CCSER2: variants seen among roughly 807,000 people sequenced by gnomAD.
CCSER2 encodes the protein coiled-coil serine rich protein 2, also known as serine-rich coiled-coil domain-containing protein 2.
Under a neutral mutation model 92.3 loss-of-function variants are expected in CCSER2, and 46 were observed. That is an observed-to-expected ratio of 0.50 (90% confidence interval 0.39 to 0.64). The LOEUF is 0.64. Ranked by LOEUF, CCSER2 falls within the 30% of genes least tolerant of loss-of-function variation. CCSER2 has a pLI of 0.00. For missense variants in CCSER2, 1,244 were observed against 1,238.9 expected (o/e 1.00, Z -0.06); for synonymous variants, 433 against 431.4 (o/e 1.00, Z -0.04).
intron 9 of CCSER2, among the ~76,000 whole-genome samples, chr10:84,489,504 G>A (rs1848018336): frequency 6.6e-6 from 1 of 152,062 alleles, no homozygotes; most frequent in Non-Finnish European, 1.5e-5. Context: ...GGCCTCCTTT[G>A]TCTCTTTTGA....
chr10:84,457,591 TTATATATTTATATATTATATATAATTATA>T (rs1335212626), intron 6 of CCSER2, among the ~76,000 whole-genome samples: 1 of 6,038 alleles, frequency 1.7e-4, no homozygotes, highest in Non-Finnish European at 3.3e-4. Flanking sequence ...TTATATATAA[TTATATATTTATATATTATATATAATTATA>T]TATTTATATA....
chr10:84,514,287 CAA>C lies in CCSER2; in HGVS notation c.*21_*22del. 6.8e-7 allele frequency: 1 copy of C among 1,478,116 alleles called. No individual in the cohort carries two copies. Among genetic ancestry groups the C allele is most frequent in the Non-Finnish European group, 9.1e-7 (1 of 1,100,988 alleles). The allele number at this position is 1,478,116 out of a possible 1,614,324, so 91.6% of individuals were successfully genotyped here. ...CATTAAGTACATAGCCATCACCTGCCAATTTGTTTCTTAAAAACAATCTCTTC... is the reference window on the plus strand; with the variant it reads ...CATTAAGTACATAGCCATCACCTGCCTTTGTTTCTTAAAAACAATCTCTTC... On this transcript the variant is annotated 3_prime_UTR_variant, in exon 10 of 10. Transcript: ENST00000372088.
At chr10:84,391,078 A>T (rs1841491857) in intron 3 of CCSER2, 2 of 779,834 alleles carry the variant, frequency 2.6e-6, no homozygotes, top group Admixed American at 1.7e-5. Context: ...ATATATTCAG[A>T]TGCTAATGCC....
At chr10:84,507,083 T>G (rs1849096748) in intron 9 of CCSER2, among the ~76,000 whole-genome samples, 1 of 152,172 alleles carries the variant, frequency 6.6e-6, no homozygotes, top group South Asian at 2.1e-4. Context: ...GCAAATTACT[T>G]TAGTAAGAAA....
chr10:84,444,769 T>C (rs1333436729), intron 6 of CCSER2, among the ~76,000 whole-genome samples: 1 of 152,216 alleles, frequency 6.6e-6, no homozygotes, highest in Non-Finnish European at 1.5e-5. Context: ...GCACACAAAA[T>C]TTTAAAAAAT....
chr10:84,501,876 T>TACTCATATATATATATATATATA (rs1848774490), intron 9 of CCSER2, among the ~76,000 whole-genome samples: 1 of 115,852 alleles, frequency 8.6e-6, no homozygotes, highest in African/African-American at 2.8e-5. Flanking sequence ...TATATATATA[T>TACTCATATATATATATATATATA]GAGTCTTTTC....
chr10:84,470,135 G>A (rs1302867915), intron 7 of CCSER2, among the ~76,000 whole-genome samples: 2 of 150,788 alleles, frequency 1.3e-5, no homozygotes, highest in African/African-American at 4.9e-5. Context: ...ATAAGTGCAA[G>A]TGCTTAGTTT....
chr10:84,335,970 C>T (rs746624483), intron 1 of CCSER2, among the ~76,000 whole-genome samples: 2 of 152,028 alleles, frequency 1.3e-5, no homozygotes, highest in Non-Finnish European at 2.9e-5. Flanking sequence ...TATTTCTTTT[C>T]GGGGTGGGGA....
Position 84,513,863 on chromosome 10 carries a change from A to G in CCSER2, c.2740A>G (p.Met914Val), listed in dbSNP as rs1589853134. The G allele has an allele frequency of 5.9e-6, 9 of 1,536,344 alleles. No individual in the cohort carries two copies. The East Asian group carries it at 9.8e-5, about 17-fold the overall frequency. Residue 914 changes from methionine (M) to valine (V), a missense_variant, in exon 10 of 10, where the codon ATG (methionine) becomes GTG (valine). By Grantham distance (21) the Met-to-Val change is conservative. Coordinates refer to ENST00000372088, the MANE Select transcript of CCSER2 (RefSeq NM_001284240.2). ...GRNQSPPVGY[M>V]SQPKSLQLLK... ...AAATCAGTCTCCGCCAGTGGGTTAT[A>G]TGTCTCAGCCCAAGTCCTTGCAGCT...
intron 1 of CCSER2, among the ~76,000 whole-genome samples, chr10:84,369,533 G>C (rs1246352029): frequency 6.6e-6 from 1 of 151,872 alleles, no homozygotes; most frequent in Non-Finnish European, 1.5e-5. Context: ...TTGCAGATTA[G>C]TTGGAGTTCC....
intron 1 of CCSER2, among the ~76,000 whole-genome samples, chr10:84,337,677 A>G (rs956990745): frequency 5.9e-5 from 9 of 152,180 alleles, no homozygotes; most frequent in African/African-American, 2.2e-4. Flanking sequence ...TCTTATTTAC[A>G]TACTGTAAAC....
chr10:84,475,120 C>G (rs1012525418), intron 8 of CCSER2, among the ~76,000 whole-genome samples: 1 of 152,214 alleles, frequency 6.6e-6, no homozygotes, highest in Non-Finnish European at 1.5e-5. Context: ...ATCAACAAAC[C>G]CTTTCTCAGA....
intron 1 of CCSER2, among the ~76,000 whole-genome samples, chr10:84,335,040 C>T (rs1843755434): frequency 6.6e-6 from 1 of 152,132 alleles, no homozygotes; most frequent in African/African-American, 2.4e-5. Context: ...GTCTCCTACC[C>T]TGTATCTTGA....
In CCSER2 at chr10:84,477,625, T is replaced by C. The variant is rs771704166; in HGVS notation, c.2286T>C (p.Tyr762=). The change falls in exon 9 of 10, where the codon TAT becomes TAC. Residue 762 remains tyrosine (Y), a synonymous_variant. Coordinates refer to ENST00000372088, the MANE Select transcript of CCSER2 (RefSeq NM_001284240.2). ...HQKCKEEKCT[Y]ADKYTQTPWR... is the part of the protein sequence containing the mutation. ...AATGTAAAGAGGAAAAATGCACTTA[T>C]GCTGATAAATATACCCAAACACCCT... The C allele has an allele frequency of 2.4e-5, 38 of 1,612,534 alleles. No individual in the cohort carries two copies. The highest frequency in any genetic ancestry group is 1.6e-4 in the Middle Eastern group (1 of 6,078).
At chr10:84,460,741 G>A (rs1423455982) in intron 6 of CCSER2, among the ~76,000 whole-genome samples, 1 of 151,968 alleles carries the variant, frequency 6.6e-6, no homozygotes, top group Non-Finnish European at 1.5e-5. Context: ...CTTCACATAA[G>A]TTGTCAAATT....
chr10:84,428,914 G>A (rs536623835), intron 5 of CCSER2, among the ~76,000 whole-genome samples: 7 of 150,834 alleles, frequency 4.6e-5, no homozygotes, highest in South Asian at 2.1e-4. Context: ...GGTATGTTGC[G>A]TGTTGTGTTG....
intron 3 of CCSER2, among the ~76,000 whole-genome samples, chr10:84,404,601 A>G (rs1842285700): frequency 1.3e-5 from 2 of 152,174 alleles, no homozygotes; most frequent in Admixed American, 1.3e-4. Flanking sequence ...CTAGTGAACT[A>G]CTAAATGTGT....
At chr10:84,420,353 A>G (rs1843077605) in intron 4 of CCSER2, among the ~76,000 whole-genome samples, 2 of 152,364 alleles carry the variant, frequency 1.3e-5, no homozygotes, top group South Asian at 4.1e-4. Context: ...GAGTAAAGGA[A>G]CATTAAAGAA....
rs760751625 is a variant in CCSER2, at chr10:84,337,000, G to A, written c.-40+8192G>A. On this transcript the variant is annotated intron_variant, in intron 1 of 9. Transcript: ENST00000372088. Reference sequence around the variant, plus strand: ...AACATTTCCTGAGATGGGTAAGAGCGCAGAAGAAGCAGGGTTTTAGCGGGG... The same window carrying A: ...AACATTTCCTGAGATGGGTAAGAGCACAGAAGAAGCAGGGTTTTAGCGGGG... Among the ~76,000 whole-genome samples, 6 of 152,196 alleles carry A rather than the reference G, an allele frequency of 3.9e-5. No homozygotes were observed. The South Asian group carries it at 8.3e-4, about 21-fold the overall frequency.
Sources: allele counts gnomAD v4.1 joint callset (sites outside exome capture counted in the v4.1 genomes callset), GRCh38; gene constraint gnomAD v4.1.1; transcripts MANE v1.5; gene names NCBI Gene and HGNC (gene_info 2026-07-23, HGNC 2026-07-21).